The following FAM3B variants were observed in gnomAD, a reference collection of about 807,000 sequenced individuals.
FAM3B encodes the protein protein FAM3B.
In FAM3B, 29 loss-of-function variants were observed where a neutral mutation model predicts 28.4. That is an observed-to-expected ratio of 1.02 (90% CI 0.76 to 1.39). The LOEUF is 1.39. Among genes scored for constraint, FAM3B ranks in the 40% most tolerant of loss-of-function variants. FAM3B has a pLI of 0.00. For synonymous variants in FAM3B, 91 were observed against 103.0 expected (o/e 0.88, Z 0.71); for missense variants, 266 against 293.9 (o/e 0.91, Z 0.69).
intron 1 of FAM3B, among the ~76,000 whole-genome samples, chr21:41,311,272 A>G (rs1192955481): frequency 2.6e-5 from 2 of 76,028 alleles, no homozygotes; most frequent in African/African-American, 1.3e-4. Context: ...ATATATATAT[A>G]TATATATATA....
At chr21:41,347,749 C>CAAAA (rs60227162) in intron 6 of FAM3B, among the ~76,000 whole-genome samples, 1,339 of 85,352 alleles carry the variant, frequency 0.016, 24 homozygotes, top group African/African-American at 0.035. Context: ...GAGACTGTCT[C>CAAAA]AAAAAAAAAA....
At chr21:41,336,956 A>G (rs373169491) in intron 2 of FAM3B, among the ~76,000 whole-genome samples, 2 of 152,162 alleles carry the variant, frequency 1.3e-5, no homozygotes, top group African/African-American at 4.8e-5. Context: ...TTCAACCTAT[A>G]CATTTTTTAA....
In FAM3B at chr21:41,316,834, G is replaced by A. The variant is rs2088753375; in HGVS notation, c.-46G>A. 4.2e-6 allele frequency: 6 copies of A among 1,429,080 alleles called. No homozygotes were observed. The African/African-American group carries it at 7.4e-5, about 18-fold the overall frequency. 88.5% of individuals were successfully genotyped at this position (1,429,080 alleles called of 1,614,324 possible). A position where few individuals can be genotyped will look rare whatever the true frequency, so the allele number is the denominator to read the frequency against. ...CCCAGGGGCTCCGCTGGCTGCGGTC[G>A]CCTGGGAGCTGCCGCCAGGGCCAGG... is the stretch of plus-strand genomic sequence containing the variant. On this transcript the variant is annotated 5_prime_UTR_variant, in exon 1 of 8. Coordinates refer to ENST00000357985, the MANE Select transcript of FAM3B (RefSeq NM_058186.4).
At position 41,348,626 on chromosome 21, in the gene FAM3B, C is replaced by G. The variant is rs1471087027; in HGVS notation, c.520C>G (p.Leu174Val). The G allele has an allele frequency of 6.2e-7, 1 of 1,614,202 alleles. No homozygotes were observed. Among genetic ancestry groups the G allele is most frequent in the Non-Finnish European group, 8.5e-7 (1 of 1,180,034 alleles). The stretch of plus-strand genomic sequence containing the variant: ...CGATGCCAAGAATGCCATAGAAGCA[C>G]TTGGAAGTAAAGAAATCAGGAACAT... ...NNDAKNAIEA[L>V]GSKEIRNMKF... The change falls in exon 7 of 8, where the codon CTT becomes GTT. Residue 174 changes from leucine to valine, a missense_variant. By Grantham distance (32) the Leu-to-Val change is conservative. Coordinates refer to ENST00000357985, the MANE Select transcript of FAM3B (RefSeq NM_058186.4).
chr21:41,321,126 T>A (rs1045227571), intron 1 of FAM3B: 9 of 152,378 alleles, frequency 5.9e-5, no homozygotes, highest in African/African-American at 2.2e-4. Context: ...GATGAAACAG[T>A]CCAGCTACGA....
rs770933457 is a variant in FAM3B, at chr21:41,345,745, A to T, written c.397+9A>T. 1.3e-6 allele frequency: 2 copies of T among 1,509,750 alleles called. No homozygotes were observed. The highest frequency in any genetic ancestry group is 9.1e-7 in the Non-Finnish European group (1 of 1,093,690). The allele number at this position is 1,509,750 out of a possible 1,614,324, so 93.5% of individuals were successfully genotyped here. ...TGATATGTATGAAGGTGGTAAGAAA[A>T]TTTTTTCTGTTAAAATTCAAATGAA... On this transcript the variant is annotated intron_variant, in intron 5 of 7. Coordinates refer to ENST00000357985, the MANE Select transcript of FAM3B (RefSeq NM_058186.4).
upstream of FAM3B, among the ~76,000 whole-genome samples, chr21:41,312,135 G>A (rs1001117223): frequency 4.6e-5 from 7 of 152,206 alleles, no homozygotes; most frequent in African/African-American, 1.7e-4. Context: ...GGTGAGATTT[G>A]TGTGGGGACA....
intron 3 of FAM3B, among the ~76,000 whole-genome samples, chr21:41,342,780 C>T (rs970509789): frequency 6.6e-6 from 1 of 152,180 alleles, no homozygotes; most frequent in Non-Finnish European, 1.5e-5. Flanking sequence ...TTGGATAACT[C>T]TAGCATTTAG....
chr21:41,328,735 A>G (rs968800906), intron 2 of FAM3B, among the ~76,000 whole-genome samples: 2 of 152,140 alleles, frequency 1.3e-5, no homozygotes, highest in African/African-American at 4.8e-5. Context: ...GCTAGGTGGT[A>G]TTGGGGTGAG....
intron 2 of FAM3B, among the ~76,000 whole-genome samples, chr21:41,337,907 G>A (rs2088970211): frequency 6.6e-6 from 1 of 151,894 alleles, no homozygotes; most frequent in South Asian, 2.1e-4. Context: ...TATGTATGGT[G>A]TGTATGTTTA....
At chr21:41,336,146 A>G (rs2088953354) in intron 2 of FAM3B, among the ~76,000 whole-genome samples, 1 of 152,232 alleles carries the variant, frequency 6.6e-6, no homozygotes, top group African/African-American at 2.4e-5. Flanking sequence ...ACACAGCAAC[A>G]AGGTGCAATC....
At chr21:41,355,004 G>C (rs762070349) in intron 7 of FAM3B, among the ~76,000 whole-genome samples, 1 of 152,062 alleles carries the variant, frequency 6.6e-6, no homozygotes, top group Non-Finnish European at 1.5e-5. Context: ...TTTAAAAATG[G>C]ACAAAGTTGT....
chr21:41,328,634 C>T (rs1344067966), intron 2 of FAM3B, among the ~76,000 whole-genome samples: 1 of 152,188 alleles, frequency 6.6e-6, no homozygotes, highest in Non-Finnish European at 1.5e-5. Context: ...TGAGCCACTG[C>T]GCCCGGCTGA....
At chr21:41,355,364 T>G (rs1186626161) in intron 7 of FAM3B, among the ~76,000 whole-genome samples, 2 of 152,182 alleles carry the variant, frequency 1.3e-5, no homozygotes, top group Non-Finnish European at 2.9e-5. Context: ...CACAAAAACT[T>G]GTGCACAAAT....
At chr21:41,325,126 A>C (rs2088844428) in intron 2 of FAM3B, among the ~76,000 whole-genome samples, 1 of 152,164 alleles carries the variant, frequency 6.6e-6, no homozygotes, top group Non-Finnish European at 1.5e-5. Flanking sequence ...AAAACAAAAC[A>C]AAAAACATAT....
chr21:41,315,044 C>T (rs772619417), upstream of FAM3B, among the ~76,000 whole-genome samples: 2 of 151,962 alleles, frequency 1.3e-5, no homozygotes, highest in Non-Finnish European at 2.9e-5. Flanking sequence ...CAAGTGTCCG[C>T]GGATGGATGA....
chr21:41,313,284 T>C (rs540409134), upstream of FAM3B, among the ~76,000 whole-genome samples: 48 of 152,368 alleles, frequency 3.2e-4, no homozygotes, highest in African/African-American at 1.2e-3. Context: ...ATAACCTTTT[T>C]TATAGGATTC....
chr21:41,322,880 C>CCA (rs1160974873), intron 1 of FAM3B, 43 bp from the exon 2 acceptor site: 13 of 1,614,184 alleles, frequency 8.1e-6, no homozygotes, highest in Non-Finnish European at 1.0e-5. Flanking sequence ...GCCAGGGCCG[C>CCA]CACCAAGTCG....
At chr21:41,336,416 G>A (rs1470993554) in intron 2 of FAM3B, among the ~76,000 whole-genome samples, 2 of 152,168 alleles carry the variant, frequency 1.3e-5, no homozygotes, top group African/African-American at 4.8e-5. Flanking sequence ...CAGCTACTTG[G>A]GAGGGTGAGG....
Sources: gnomAD v4.1 joint callset for allele counts (sites outside exome capture counted in the v4.1 genomes callset) on GRCh38, gnomAD v4.1.1 for gene constraint, MANE v1.5 for transcripts, NCBI Gene and HGNC (gene_info 2026-07-23, HGNC 2026-07-21) for gene names.